CFAP54: variants seen among roughly 807,000 people sequenced by gnomAD.
CFAP54 encodes the protein cilia and flagella associated protein 54.
CFAP54 carries 290 observed loss-of-function variants against 370.4 expected under a neutral mutation model. The observed-to-expected ratio is 0.78, with a 90% CI of 0.71 to 0.86. The LOEUF is 0.86. Among genes scored for constraint, CFAP54 ranks in the 40% least tolerant of loss-of-function variants. The pLI, the probability that CFAP54 is intolerant of heterozygous loss-of-function variation, is 0.00. For synonymous variants in CFAP54, 1,206 were observed against 1,236.5 expected, an observed-to-expected ratio of 0.98 and a Z score of 0.52; for missense variants, 3,399 against 3,528.7, an observed-to-expected ratio of 0.96 and a Z score of 0.93.
chr12:96,874,033 T>C (rs753857347), intron 67 of CFAP54, among the ~76,000 whole-genome samples: 1 of 152,208 alleles, frequency 6.6e-6, no homozygotes, highest in African/African-American at 2.4e-5. Flanking sequence ...CAGTACCATT[T>C]ATATGCCAAA....
chr12:96,788,528 C>G (rs767777330), intron 62 of CFAP54, among the ~76,000 whole-genome samples: 1 of 152,130 alleles, frequency 6.6e-6, no homozygotes, highest in Admixed American at 6.6e-5. Context: ...AAGATATGTT[C>G]ATGTTACTGT....
Position 96,685,251 on chromosome 12 carries a change from A to G in CFAP54, c.6014+13A>G, listed in dbSNP as rs1235367667. The G allele has an allele frequency of 6.2e-7, 1 of 1,612,692 alleles. No individual in the cohort carries two copies. On this transcript the variant is annotated intron_variant, in intron 42 of 67. Coordinates refer to ENST00000524981, the MANE Select transcript of CFAP54 (RefSeq NM_001306084.2). ...CAAAGATAGCACAGTGAGTGTGAGGATGGAAGGATCCCCGTACTAGCTAAC... is the reference window on the plus strand; with the variant it reads ...CAAAGATAGCACAGTGAGTGTGAGGGTGGAAGGATCCCCGTACTAGCTAAC...
intron 40 of CFAP54, among the ~76,000 whole-genome samples, chr12:96,680,888 AGCC>A (rs1176407514): frequency 1.3e-5 from 2 of 152,202 alleles, no homozygotes; most frequent in Non-Finnish European, 2.9e-5. Context: ...GTTAGAGACC[AGCC>A]TGGCCAACAT....
chr12:96,723,051 G>A (rs768777696), intron 50 of CFAP54, among the ~76,000 whole-genome samples: 1 of 152,086 alleles, frequency 6.6e-6, no homozygotes, highest in African/African-American at 2.4e-5. Context: ...AATCTTCCCA[G>A]CATAAAGAAA....
At chr12:96,768,168 A>G (rs953520852) in intron 60 of CFAP54, among the ~76,000 whole-genome samples, 1 of 152,044 alleles carries the variant, frequency 6.6e-6, no homozygotes, top group Non-Finnish European at 1.5e-5. Context: ...TAAAAATACA[A>G]AAATTAGCCG....
intron 23 of CFAP54, among the ~76,000 whole-genome samples, chr12:96,590,213 T>C (rs774595632): frequency 6.6e-5 from 10 of 152,238 alleles, no homozygotes; most frequent in Non-Finnish European, 1.3e-4. Flanking sequence ...GTTAAGGTTA[T>C]GGTCTGACAG....
Position 96,534,163 on chromosome 12 carries a change from T to C in CFAP54, c.1641T>C (p.Phe547=). The C allele has an allele frequency of 6.6e-7, 1 of 1,522,526 alleles. No individual in the cohort carries two copies. Among genetic ancestry groups the C allele is most frequent in the South Asian group, 1.2e-5 (1 of 82,860 alleles). The allele number at this position is 1,522,526 out of a possible 1,614,324, so 94.3% of individuals were successfully genotyped here. ...TGAAGAGAAACAAAGGTTTGATCTTTCCTTTGGAAAACTATAAAGAAGGAC... is the reference window on the plus strand; with the variant it reads ...TGAAGAGAAACAAAGGTTTGATCTTCCCTTTGGAAAACTATAAAGAAGGAC... ...INVKRNKGLI[F]PLENYKEGQS... The change falls in exon 11 of 68, where the codon TTT becomes TTC. Residue 547 remains phenylalanine (F), a synonymous_variant. Coordinates refer to ENST00000524981, the MANE Select transcript of CFAP54 (RefSeq NM_001306084.2).
Position 96,743,813 on chromosome 12 carries a change from A to T in CFAP54, c.7460A>T (p.Asp2487Val), listed in dbSNP as rs1342530724. 1 of 1,613,874 alleles carries T rather than the reference A, an allele frequency of 6.2e-7. No individual in the cohort carries two copies. The highest frequency in any genetic ancestry group is 1.3e-5 in the African/African-American group (1 of 74,930). ...LTLARSLVLL[D>V]DLTKAEKFKE... ...CTGGCAAGAAGCCTAGTTTTGCTGGATGACTTAACCAAAGCTGAGAAATTC... is the reference window on the plus strand; with the variant it reads ...CTGGCAAGAAGCCTAGTTTTGCTGGTTGACTTAACCAAAGCTGAGAAATTC... The change falls in exon 54 of 68, where the codon GAT becomes GTT. Residue 2487 changes from aspartate (D) to valine (V), a missense_variant. Physicochemically the swap from Asp to Val is radical, Grantham distance 152. Coordinates refer to ENST00000524981, the MANE Select transcript of CFAP54 (RefSeq NM_001306084.2).
At chr12:96,671,192 G>A (rs769159802) in intron 39 of CFAP54, among the ~76,000 whole-genome samples, 15 of 151,854 alleles carry the variant, frequency 9.9e-5, no homozygotes, top group Non-Finnish European at 1.6e-4. Flanking sequence ...GGCTGGTCTC[G>A]AACACCTGAC....
chr12:96,624,352 C>T (rs1956529743), intron 28 of CFAP54, among the ~76,000 whole-genome samples: 1 of 152,130 alleles, frequency 6.6e-6, no homozygotes, highest in African/African-American at 2.4e-5. Context: ...AAAATCACTG[C>T]TTTGAAGTCA....
At chr12:96,500,996 C>A (rs10860047) in intron 2 of CFAP54, 57 bp downstream of exon 2, 87,052 of 1,059,306 alleles carry the variant, frequency 0.082, 8,272 homozygotes, top group East Asian at 0.51. Flanking sequence ...ATTATTATTA[C>A]AGTATTTAGT....
At chr12:96,695,706 T>G (rs1342660140) in intron 45 of CFAP54, among the ~76,000 whole-genome samples, 1 of 152,234 alleles carries the variant, frequency 6.6e-6, no homozygotes, top group Non-Finnish European at 1.5e-5. Context: ...AATTAACTAT[T>G]GAATTTAAAA....
rs1292194647 is a variant in CFAP54, at chr12:96,589,576, A to G, written c.3212+13A>G. 2 of 1,354,152 alleles carry G rather than the reference A, an allele frequency of 1.5e-6. No homozygotes were observed. The highest frequency in any genetic ancestry group is 2.6e-5 in the South Asian group (2 of 76,250). 83.9% of individuals were successfully genotyped at this position (1,354,152 alleles called of 1,614,324 possible). On this transcript the variant is annotated intron_variant, in intron 23 of 67. Transcript: ENST00000524981. ...TTACACAAAGAAGGTAATTAGAAAT[A>G]TTCTTCTAAAATATTAATTTGCTTA...
At chr12:96,620,403 G>T (rs1956473461) in intron 26 of CFAP54, among the ~76,000 whole-genome samples, 1 of 152,160 alleles carries the variant, frequency 6.6e-6, no homozygotes, top group Non-Finnish European at 1.5e-5. Context: ...GTTTTATAAA[G>T]GGGAGTTCCC....
chr12:96,773,350 C>T (rs1251541820), intron 60 of CFAP54, among the ~76,000 whole-genome samples: 1 of 152,204 alleles, frequency 6.6e-6, no homozygotes, highest in Non-Finnish European at 1.5e-5. Flanking sequence ...CGAAGAGATG[C>T]CTTGAATCAC....
intron 63 of CFAP54, among the ~76,000 whole-genome samples, chr12:96,809,449 ATATTTT>A (rs1288646902): frequency 6.6e-6 from 1 of 151,780 alleles, no homozygotes; most frequent in African/African-American, 2.4e-5. Flanking sequence ...TGTTTTGATC[ATATTTT>A]TATTTTTAAG....
intron 55 of CFAP54, among the ~76,000 whole-genome samples, chr12:96,745,268 C>T (rs1958101116): frequency 6.6e-6 from 1 of 152,178 alleles, no homozygotes; most frequent in South Asian, 2.1e-4. Flanking sequence ...ACCACACTGT[C>T]TCCACAGTGG....
chr12:96,701,682 G>C (rs548489832), intron 46 of CFAP54, among the ~76,000 whole-genome samples: 1 of 152,114 alleles, frequency 6.6e-6, no homozygotes, highest in Admixed American at 6.6e-5. Context: ...AACCTTCCAA[G>C]TAGGAGGAAC....
At chr12:96,692,078 T>C (rs1957394447) in intron 44 of CFAP54, among the ~76,000 whole-genome samples, 1 of 152,122 alleles carries the variant, frequency 6.6e-6, no homozygotes, top group African/African-American at 2.4e-5. Flanking sequence ...TCTTACTTTT[T>C]TCCCCCACAT....
Sources: allele counts gnomAD v4.1 joint callset (sites outside exome capture counted in the v4.1 genomes callset), GRCh38; gene constraint gnomAD v4.1.1; transcripts MANE v1.5; gene names NCBI Gene and HGNC (gene_info 2026-07-23, HGNC 2026-07-21).